The following ZNF292 variants were observed in gnomAD, a reference collection of about 807,000 sequenced individuals.
The protein encoded by ZNF292 is zinc finger protein 292.
A neutral mutation model predicts 217.9 loss-of-function variants in ZNF292; 26 were observed. That is an observed-to-expected ratio of 0.12 (90% confidence interval 0.09 to 0.17). The LOEUF is 0.17. Ranked by LOEUF, ZNF292 falls within the 10% of genes least tolerant of loss-of-function variation. The pLI is 1.00. For synonymous variants in ZNF292, 1,257 were observed against 1,124.1 expected (o/e 1.12, Z -2.37); for missense variants, 2,904 against 3,175.2 (o/e 0.91, Z 2.05).
chr6:87,257,978 A>C lies in ZNF292; in HGVS notation c.4349A>C (p.Asp1450Ala). The C allele has an allele frequency of 6.8e-6, 11 of 1,613,912 alleles. No homozygotes were observed. Among genetic ancestry groups the C allele is most frequent in the Non-Finnish European group, 8.5e-6 (10 of 1,179,816 alleles). Reference protein sequence around the residue: ...STFNPEACFKDPSFLQLLAEN... With the variant: ...STFNPEACFKAPSFLQLLAEN... ...TTCAATCCAGAAGCATGTTTTAAAG[A>C]TCCATCATTTCTACAGCTTCTTGCT... The change falls in exon 8 of 8, where the codon GAT becomes GCT. Residue 1450 changes from aspartate to alanine, a missense_variant. Physicochemically the swap from Asp to Ala is moderately radical, Grantham distance 126. Transcript: ENST00000369577.
intron 1 of ZNF292, among the ~76,000 whole-genome samples, chr6:87,199,853 G>A (rs1044539053): frequency 1.1e-4 from 16 of 152,312 alleles, no homozygotes; most frequent in African/African-American, 3.8e-4. Context: ...GCAGTTACTA[G>A]AGAATATAGA....
Position 87,260,506 on chromosome 6 carries a change from A to G in ZNF292, c.6877A>G (p.Arg2293Gly). The change falls in exon 8 of 8, where the codon AGA becomes GGA. Residue 2293 changes from arginine (R) to glycine (G), a missense_variant. Arg to Gly is a moderately radical substitution (Grantham distance 125, BLOSUM62 -2). Transcript: ENST00000369577. Reference sequence around the variant, plus strand: ...ACATAAGGCTCATTTGATTCGTCCAAGAAGATTAACACCAGGCCAGGAAAA... The same window carrying G: ...ACATAAGGCTCATTTGATTCGTCCAGGAAGATTAACACCAGGCCAGGAAAA... ...DKHKAHLIRP[R>G]RLTPGQENMS... is the part of the protein sequence containing the mutation. The G allele has an allele frequency of 6.2e-7, 1 of 1,613,606 alleles. No individual in the cohort carries two copies.
At chr6:87,203,664 G>A (rs1301714591) in intron 1 of ZNF292, among the ~76,000 whole-genome samples, 1 of 152,008 alleles carries the variant, frequency 6.6e-6, no homozygotes, top group Non-Finnish European at 1.5e-5. Context: ...GTAGCATCAT[G>A]TTGGGGGAAG....
chr6:87,184,481 T>C (rs1415336787), intron 1 of ZNF292, among the ~76,000 whole-genome samples: 3 of 151,446 alleles, frequency 2.0e-5, no homozygotes, highest in Non-Finnish European at 2.9e-5. Context: ...TTTTTTTTTT[T>C]TTTTTTTTTG....
chr6:87,183,145 C>T (rs1471232482), intron 1 of ZNF292, among the ~76,000 whole-genome samples: 1 of 152,044 alleles, frequency 6.6e-6, no homozygotes, highest in Non-Finnish European at 1.5e-5. Flanking sequence ...GTCATTTCTC[C>T]CCTGCAATTG....
chr6:87,173,490 C>G (rs1771177169), intron 1 of ZNF292: 3 of 178,604 alleles, frequency 1.7e-5, no homozygotes, highest in African/African-American at 7.1e-5. Context: ...CTTTGGAAAA[C>G]AAGGTCCTAG....
intron 1 of ZNF292, among the ~76,000 whole-genome samples, chr6:87,191,683 T>A (rs1313028715): frequency 1.3e-5 from 2 of 152,226 alleles, no homozygotes; most frequent in South Asian, 2.1e-4. Flanking sequence ...TTTATTTATT[T>A]TGAGACGGAG....
chr6:87,167,476 AC>A (rs957981706), intron 1 of ZNF292, among the ~76,000 whole-genome samples: 5 of 152,148 alleles, frequency 3.3e-5, no homozygotes, highest in African/African-American at 1.2e-4. Flanking sequence ...CCCCATCTCT[AC>A]TAAAAATACA....
intron 3 of ZNF292, 71 bp downstream of exon 3, chr6:87,216,448 A>T: frequency 8.6e-7 from 1 of 1,160,718 alleles, no homozygotes; most frequent in Non-Finnish European, 1.2e-6. Flanking sequence ...TAAAAAAATT[A>T]TTCAGTTAAA....
intron 1 of ZNF292, among the ~76,000 whole-genome samples, chr6:87,182,439 A>G (rs531563419): frequency 6.6e-6 from 1 of 152,330 alleles, no homozygotes; most frequent in East Asian, 1.9e-4. Context: ...ATCTTTTAAA[A>G]ATTTCCCCAA....
chr6:87,182,059 A>G (rs1453920342), intron 1 of ZNF292, among the ~76,000 whole-genome samples: 4 of 152,088 alleles, frequency 2.6e-5, no homozygotes, highest in African/African-American at 4.8e-5. Flanking sequence ...AAAACTGAAG[A>G]TTAGTACCAG....
In ZNF292 at chr6:87,218,706, C is replaced by G; in HGVS notation, c.513C>G (p.Ser171=). The G allele has an allele frequency of 6.3e-7, 1 of 1,590,578 alleles. No individual in the cohort carries two copies. Among genetic ancestry groups the G allele is most frequent in the Non-Finnish European group, 8.5e-7 (1 of 1,170,846 alleles). Residue 171 remains serine, a synonymous_variant, in exon 4 of 8, where the codon TCC becomes TCG. Coordinates refer to ENST00000369577, the MANE Select transcript of ZNF292 (RefSeq NM_015021.3). ...ACCCGGTACTGTGCACTATTCTTTCCCAGGAACCATTGGATAAGGATAAAG... is the reference window on the plus strand; with the variant it reads ...ACCCGGTACTGTGCACTATTCTTTCGCAGGAACCATTGGATAAGGATAAAG... The part of the protein sequence containing the change: ...WKNPVLCTIL[S]QEPLDKDKVN...
chr6:87,226,960 G>C (rs1204234290), intron 4 of ZNF292, among the ~76,000 whole-genome samples: 2 of 152,016 alleles, frequency 1.3e-5, no homozygotes, highest in Non-Finnish European at 2.9e-5. Flanking sequence ...GATTACAAAC[G>C]TGTGCCACCA....
In ZNF292 at chr6:87,249,624, A is replaced by G. The variant is rs184853503; in HGVS notation, c.1020+3980A>G. Among the ~76,000 whole-genome samples, 115 of 152,346 alleles carry G rather than the reference A, an allele frequency of 7.5e-4. 1 individual carries two copies. Among genetic ancestry groups the G allele is most frequent in the Admixed American group, 7.0e-3 (107 of 15,298 alleles). ...ACTGAAGAGACCTTAAAGTTAAGCT[A>G]TAGTGATTAGATTCTGGTGTAATAA... On this transcript the variant is annotated intron_variant, in intron 7 of 7. Coordinates refer to ENST00000369577, the MANE Select transcript of ZNF292 (RefSeq NM_015021.3).
chr6:87,241,090 C>G (rs919910624), intron 5 of ZNF292, among the ~76,000 whole-genome samples: 11 of 152,268 alleles, frequency 7.2e-5, no homozygotes, highest in South Asian at 2.1e-4. Context: ...CGAGACCATC[C>G]TGGTTAACAC....
intron 4 of ZNF292, among the ~76,000 whole-genome samples, chr6:87,220,754 C>T (rs1199392251): frequency 6.6e-6 from 1 of 152,174 alleles, no homozygotes; most frequent in Non-Finnish European, 1.5e-5. Flanking sequence ...TGTCTCTGCC[C>T]ATCTCTGTGC....
Position 87,261,332 on chromosome 6 carries a change from C to T in ZNF292, c.7703C>T (p.Ala2568Val). ...LSSVRKEEET[A>V]VAIQTIEEHP... The stretch of plus-strand genomic sequence containing the variant: ...AGCGTGCGTAAAGAAGAAGAAACTG[C>T]TGTTGCCATTCAAACCATTGAGGAG... The change falls in exon 8 of 8, where the codon GCT (alanine) becomes GTT (valine). Residue 2568 changes from alanine (A) to valine (V), a missense_variant. Ala to Val is a moderately conservative substitution (Grantham distance 64). Around this residue, in one of 15 missense-constraint regions of ZNF292, gnomAD observed 380 missense variants for 355.3 expected, o/e 1.07. Coordinates refer to ENST00000369577, the MANE Select transcript of ZNF292 (RefSeq NM_015021.3). The T allele has an allele frequency of 1.2e-6, 2 of 1,613,466 alleles. No individual in the cohort carries two copies. The highest frequency in any genetic ancestry group is 2.2e-5 in the East Asian group (1 of 44,868).
chr6:87,215,203 A>T (rs1344821456), intron 1 of ZNF292: 3 of 152,030 alleles, frequency 2.0e-5, no homozygotes, highest in Admixed American at 6.6e-5. Flanking sequence ...CCCATCTCTT[A>T]TTCAGTAAGA....
chr6:87,207,801 T>C (rs147677633), intron 1 of ZNF292, among the ~76,000 whole-genome samples: 6 of 152,348 alleles, frequency 3.9e-5, no homozygotes, highest in Admixed American at 2.6e-4. Flanking sequence ...ATCAATTTCA[T>C]CTTGAAGAAA....
Sources: allele counts gnomAD v4.1 joint callset (sites outside exome capture counted in the v4.1 genomes callset), GRCh38; gene constraint gnomAD v4.1.1; regional missense constraint gnomAD v4.1.1; transcripts MANE v1.5; gene names NCBI Gene and HGNC (gene_info 2026-07-23, HGNC 2026-07-21).